THAP8: variants seen among roughly 807,000 people sequenced by gnomAD.
THAP8 encodes THAP domain containing 8.
In THAP8, 24 loss-of-function variants were observed where a neutral mutation model predicts 25.0. The observed-to-expected ratio is 0.96, with a 90% CI of 0.69 to 1.35. The LOEUF is 1.35. THAP8 is among the 40% of genes most tolerant of loss of function. The pLI is 0.00. For missense variants in THAP8, 399 were observed against 368.8 expected (o/e 1.08, Z -0.67); for synonymous variants, 169 against 157.6 (o/e 1.07, Z -0.54).
At chr19:36,045,066 T>C (rs1322237207) in intron 1 of THAP8, among the ~76,000 whole-genome samples, 1 of 149,704 alleles carries the variant, frequency 6.7e-6, no homozygotes, top group Non-Finnish European at 1.5e-5. Flanking sequence ...ACTGTGACTA[T>C]TACTTTATTT....
chr19:36,051,354 C>G (rs1970050622), intron 1 of THAP8, among the ~76,000 whole-genome samples: 1 of 152,164 alleles, frequency 6.6e-6, no homozygotes, highest in African/African-American at 2.4e-5. Flanking sequence ...CTGCTTTCTA[C>G]CTGTTCCAGC....
At chr19:36,039,901 G>T in intron 2 of THAP8, 43 bp downstream of exon 2, 1 of 1,610,194 alleles carries the variant, frequency 6.2e-7, no homozygotes, top group Non-Finnish European at 8.5e-7. Context: ...AGGCAGGGAG[G>T]TCTGGGGGTT....
chr19:36,051,840 G>A (rs1468784712), intron 1 of THAP8, among the ~76,000 whole-genome samples: 1 of 152,100 alleles, frequency 6.6e-6, no homozygotes, highest in Non-Finnish European at 1.5e-5. Flanking sequence ...CACAGCAGGA[G>A]GTGAGTGGCA....
At chr19:36,048,737 A>G (rs979150673) in intron 1 of THAP8, among the ~76,000 whole-genome samples, 6 of 147,484 alleles carry the variant, frequency 4.1e-5, no homozygotes, top group East Asian at 2.1e-4. Flanking sequence ...AGTCGCAGCT[A>G]CTCAGGAGGT....
intron 3 of THAP8, among the ~76,000 whole-genome samples, 199 bp downstream of exon 3, chr19:36,039,124 G>A (rs951695320): frequency 2.0e-5 from 3 of 152,302 alleles, no homozygotes; most frequent in Middle Eastern, 3.4e-3. Flanking sequence ...CGAACTCCTG[G>A]CCTCCAGCAA....
chr19:36,039,299 C>T, intron 3 of THAP8, 24 bp downstream of exon 3: 1 of 1,443,528 alleles, frequency 6.9e-7, no homozygotes, highest in African/African-American at 1.4e-5. Context: ...ATGGATGGGG[C>T]TGCCAGGCTG....
At chr19:36,053,467 A>G (rs1182509762) in intron 1 of THAP8, among the ~76,000 whole-genome samples, 2 of 144,494 alleles carry the variant, frequency 1.4e-5, no homozygotes, top group Non-Finnish European at 3.0e-5. Flanking sequence ...AGGTGGGAGG[A>G]TCACTTGAGC....
At chr19:36,041,505 G>A (rs971357105) in intron 1 of THAP8, among the ~76,000 whole-genome samples, 6 of 152,112 alleles carry the variant, frequency 3.9e-5, no homozygotes, top group African/African-American at 1.4e-4. Flanking sequence ...TTGGCAAAGT[G>A]TTGATAACTA....
intron 1 of THAP8, among the ~76,000 whole-genome samples, chr19:36,050,548 GA>G (rs969874874): frequency 4.6e-5 from 7 of 152,298 alleles, no homozygotes; most frequent in African/African-American, 1.7e-4. Context: ...GCAGGATGGA[GA>G]AATGTCTTGA....
At chr19:36,041,045 T>A (rs535284632) in intron 1 of THAP8, among the ~76,000 whole-genome samples, 3 of 151,842 alleles carry the variant, frequency 2.0e-5, no homozygotes, top group Non-Finnish European at 2.9e-5. Flanking sequence ...TGGCGGTTCA[T>A]GCCTGTAATC....
intron 1 of THAP8, among the ~76,000 whole-genome samples, chr19:36,052,987 C>T (rs1454948841): frequency 6.6e-6 from 1 of 152,100 alleles, no homozygotes; most frequent in Non-Finnish European, 1.5e-5. Flanking sequence ...CTTTGGGAGG[C>T]CGAGGCAGGA....
chr19:36,038,753 A>G (rs1969568431), intron 3 of THAP8, among the ~76,000 whole-genome samples: 1 of 151,848 alleles, frequency 6.6e-6, no homozygotes, highest in Non-Finnish European at 1.5e-5. Flanking sequence ...TGGGAGGCTG[A>G]GGCAGGACAA....
rs760960996 is a variant in THAP8, at chr19:36,035,424, T to C, written c.*16A>G. 1.5e-5 allele frequency: 24 copies of C among 1,604,490 alleles called. No homozygotes were observed. Among genetic ancestry groups the C allele is most frequent in the Non-Finnish European group, 1.8e-5 (21 of 1,173,088 alleles). On this transcript the variant is annotated 3_prime_UTR_variant, in exon 4 of 4. Coordinates refer to ENST00000292894, the MANE Select transcript of THAP8 (RefSeq NM_152658.3). ...ATCTTCTATCTTTTGTCCCTCGACA[T>C]TGTCTGTCTTGATCCTTATGCACTG...
At chr19:36,037,939 T>TTTTTTG (rs200847945) in intron 3 of THAP8, among the ~76,000 whole-genome samples, 4 of 151,074 alleles carry the variant, frequency 2.6e-5, no homozygotes, top group Non-Finnish European at 4.4e-5. Flanking sequence ...CACCCGGCCT[T>TTTTTTG]TTTTTGTTTT....
chr19:36,054,248 G>A lies in THAP8; in HGVS notation c.-31C>T, dbSNP rs774685805. ...TCCAGCCCCCGCTGAGTTTTGCCGG[G>A]TCAGCGGCTGCACTTTGGTTCTCGC... On this transcript the variant is annotated 5_prime_UTR_variant, in exon 1 of 4. Transcript: ENST00000292894. 1.2e-6 allele frequency: 2 copies of A among 1,605,534 alleles called. No homozygotes were observed. Among genetic ancestry groups the A allele is most frequent in the African/African-American group, 1.3e-5 (1 of 74,882 alleles).
chr19:36,037,309 CACACACACAA>C (rs1969501757), intron 3 of THAP8, among the ~76,000 whole-genome samples: 1 of 149,588 alleles, frequency 6.7e-6, no homozygotes, highest in Non-Finnish European at 1.5e-5. Context: ...TACACACACA[CACACACACAA>C]ACACCTTCCT....
At chr19:36,042,773 G>T (rs889748219) in intron 1 of THAP8, among the ~76,000 whole-genome samples, 1 of 151,586 alleles carries the variant, frequency 6.6e-6, no homozygotes, top group African/African-American at 2.4e-5. Context: ...TCTTTTTTTT[G>T]GGGGGAGGGA....
At chr19:36,035,837 G>A (rs1441551268) in intron 3 of THAP8, among the ~76,000 whole-genome samples, 2 of 152,022 alleles carry the variant, frequency 1.3e-5, no homozygotes, top group East Asian at 1.9e-4. Context: ...GCAGACACGT[G>A]GGGGAAAGAG....
chr19:36,036,825 C>A (rs1969465964), intron 3 of THAP8, among the ~76,000 whole-genome samples: 1 of 151,606 alleles, frequency 6.6e-6, no homozygotes, highest in Non-Finnish European at 1.5e-5. Flanking sequence ...CCTGTAATCC[C>A]AGCTACTTGG....
Sources: gnomAD v4.1 joint callset for allele counts (sites outside exome capture counted in the v4.1 genomes callset) on GRCh38, gnomAD v4.1.1 for gene constraint, MANE v1.5 for transcripts, NCBI Gene and HGNC (gene_info 2026-07-23, HGNC 2026-07-21) for gene names.